Variants in STK32A observed in about 807,000 individuals in gnomAD.
STK32A encodes serine/threonine kinase 32A.
A neutral mutation model predicts 53.2 loss-of-function variants in STK32A; 41 were observed. The observed-to-expected ratio is 0.77, with a 90% CI of 0.60 to 1.00. The LOEUF (loss-of-function observed/expected upper bound fraction) is 1.00. Among genes scored for constraint, STK32A ranks in the 50% least tolerant of loss-of-function variants. The probability of loss-of-function intolerance (pLI) is 0.00; values close to 1 mark genes in which losing one functional copy is unlikely to be tolerated. For missense variants in STK32A, 458 were observed against 485.8 expected (o/e 0.94, Z 0.54); for synonymous variants, 166 against 162.8 (o/e 1.02, Z -0.15).
intron 4 of STK32A, among the ~76,000 whole-genome samples, chr5:147,292,553 A>C (rs540148646): frequency 6.6e-6 from 1 of 152,322 alleles, no homozygotes; most frequent in African/African-American, 2.4e-5. Flanking sequence ...GCAATGTTCC[A>C]AACAAAAAAA....
intron 4 of STK32A, among the ~76,000 whole-genome samples, chr5:147,311,755 C>T (rs1324194013): frequency 6.6e-6 from 1 of 152,080 alleles, no homozygotes; most frequent in Non-Finnish European, 1.5e-5. Context: ...AGCCAACAAA[C>T]AAAAAACACA....
At chr5:147,314,516 A>C (rs1561713419) in intron 4 of STK32A, among the ~76,000 whole-genome samples, 24 of 10,914 alleles carry the variant, frequency 2.2e-3, no homozygotes, top group African/African-American at 6.0e-3. Context: ...ACAAAAAAAA[A>C]CAAAAAAAAA....
intron 2 of STK32A, among the ~76,000 whole-genome samples, chr5:147,267,703 G>C (rs760420184): frequency 6.6e-6 from 1 of 152,106 alleles, no homozygotes; most frequent in Admixed American, 6.6e-5. Context: ...TAAGGATAGA[G>C]GCAACATGGA....
chr5:147,238,808 CAG>C (rs1407259226), intron 1 of STK32A, among the ~76,000 whole-genome samples: 3 of 74,110 alleles, frequency 4.0e-5, no homozygotes, highest in East Asian at 3.2e-4. Flanking sequence ...TATAATACAA[CAG>C]AGTTGATATA....
At chr5:147,394,173 G>A in the STK32A span, 1 of 1,582,628 alleles carries the variant, frequency 6.3e-7, no homozygotes, top group South Asian at 1.1e-5. Context: ...AGAGTGGCGG[G>A]TAGGGGGATG....
chr5:147,271,381 G>A (rs1351655781), intron 2 of STK32A, among the ~76,000 whole-genome samples: 2 of 151,898 alleles, frequency 1.3e-5, no homozygotes, highest in African/African-American at 4.8e-5. Flanking sequence ...TTTGCCTCAG[G>A]ACCCTGTGAT....
the STK32A span, among the ~76,000 whole-genome samples, chr5:147,397,174 CTATATA>C: frequency 0.45 from 67,102 of 147,854 alleles, 15,840 homozygotes; most frequent in African/African-American, 0.57. Flanking sequence ...ATCTATAGAC[CTATATA>C]TATATATATA....
intron 4 of STK32A, among the ~76,000 whole-genome samples, chr5:147,308,211 T>C (rs982922304): frequency 8.6e-5 from 13 of 151,888 alleles, no homozygotes; most frequent in Admixed American, 7.2e-4. Flanking sequence ...TCCTTATTTA[T>C]GTAGATATTC....
intron 2 of STK32A, among the ~76,000 whole-genome samples, chr5:147,266,377 A>G (rs528282611): frequency 6.6e-6 from 1 of 152,328 alleles, no homozygotes; most frequent in African/African-American, 2.4e-5. Flanking sequence ...TGAGGACTTC[A>G]TTGACTAGCT....
At chr5:147,345,314 G>A (rs924554985) in intron 6 of STK32A, among the ~76,000 whole-genome samples, 3 of 152,200 alleles carry the variant, frequency 2.0e-5, no homozygotes, top group Admixed American at 6.5e-5. Context: ...GACCTGATAC[G>A]TGTGAAGTAC....
At chr5:147,393,882 G>A in the STK32A span, 8 of 754,634 alleles carry the variant, frequency 1.1e-5, no homozygotes, top group Admixed American at 5.6e-5. Flanking sequence ...CTAGGCAAGC[G>A]AGCGTAACAT....
At chr5:147,357,230 A>G (rs1358714505) in intron 7 of STK32A, among the ~76,000 whole-genome samples, 1 of 152,126 alleles carries the variant, frequency 6.6e-6, no homozygotes, top group Non-Finnish European at 1.5e-5. Flanking sequence ...GAAAATTCAT[A>G]TTAACTTGTA....
At chr5:147,329,890 T>C (rs1292462252) in intron 5 of STK32A, among the ~76,000 whole-genome samples, 1 of 152,254 alleles carries the variant, frequency 6.6e-6, no homozygotes, top group Non-Finnish European at 1.5e-5. Flanking sequence ...AGTATGTATA[T>C]GTAACCATTG....
chr5:147,391,789 G>T (rs965679948), downstream of STK32A: 2 of 152,170 alleles, frequency 1.3e-5, no homozygotes, highest in African/African-American at 2.4e-5. Flanking sequence ...AGCTCATGTT[G>T]TTCCTCCCAA....
intron 8 of STK32A, among the ~76,000 whole-genome samples, chr5:147,368,288 T>C (rs1172142094): frequency 6.6e-6 from 1 of 152,258 alleles, no homozygotes; most frequent in Non-Finnish European, 1.5e-5. Context: ...TACAACCATA[T>C]TCACAACACA....
intron 6 of STK32A, among the ~76,000 whole-genome samples, chr5:147,350,072 T>G (rs1045964895): frequency 8.7e-5 from 13 of 149,456 alleles, no homozygotes; most frequent in Non-Finnish European, 1.5e-4. Context: ...GAGCACACCA[T>G]AACACTCCAG....
chr5:147,362,792 G>T (rs936028392), intron 8 of STK32A, among the ~76,000 whole-genome samples: 15 of 152,188 alleles, frequency 9.9e-5, no homozygotes, highest in Non-Finnish European at 1.8e-4. Context: ...ACCTATAAAA[G>T]CAGACAAGTG....
At chr5:147,339,420 C>G (rs1755295594) in intron 5 of STK32A, among the ~76,000 whole-genome samples, 1 of 152,228 alleles carries the variant, frequency 6.6e-6, no homozygotes, top group South Asian at 2.1e-4. Flanking sequence ...GGGCAGAGCC[C>G]TTATGGAGAA....
chr5:147,269,255 A>T (rs553470504), intron 2 of STK32A, among the ~76,000 whole-genome samples: 1 of 152,214 alleles, frequency 6.6e-6, no homozygotes, highest in African/African-American at 2.4e-5. Context: ...CTGTTGTTCC[A>T]CTAGACTGTA....
Sources: gnomAD v4.1 joint callset for allele counts (sites outside exome capture counted in the v4.1 genomes callset) on GRCh38, gnomAD v4.1.1 for gene constraint, MANE v1.5 for transcripts, NCBI Gene and HGNC (gene_info 2026-07-23, HGNC 2026-07-21) for gene names.